OSBPL8: variants seen among roughly 807,000 people sequenced by gnomAD.
OSBPL8 encodes oxysterol binding protein like 8.
OSBPL8 carries 59 observed loss-of-function variants against 125.5 expected under a neutral mutation model. That is an observed-to-expected ratio of 0.47 (90% CI 0.38 to 0.58). The LOEUF is 0.58. Among genes scored for constraint, OSBPL8 ranks in the 20% least tolerant of loss-of-function variants. The probability of loss-of-function intolerance (pLI) is 0.00; values close to 1 mark genes in which losing one functional copy is unlikely to be tolerated. For synonymous variants in OSBPL8, 330 were observed against 338.9 expected, an observed-to-expected ratio of 0.97 and a Z score of 0.29; for missense variants, 758 against 1,047.8, an observed-to-expected ratio of 0.72 and a Z score of 3.82.
At position 76,355,875 on chromosome 12, in the gene OSBPL8, A is replaced by G. The variant is rs550059293; in HGVS notation, c.*14T>C. On this transcript the variant is annotated 3_prime_UTR_variant, in exon 24 of 24. Transcript: ENST00000261183. ...CAGATCTTTCTAGTTCACTGATTCA[A>G]TGGTAGAGAACTTCTACTTGAACAT... 28 of 1,611,510 alleles carry G rather than the reference A, an allele frequency of 1.7e-5. No individual in the cohort carries two copies. The highest frequency in any genetic ancestry group is 2.7e-5 in the African/African-American group (2 of 74,760).
In OSBPL8 at chr12:76,355,821, C is replaced by T; in HGVS notation, c.*68G>A. 6.6e-7 allele frequency: 1 copy of T among 1,519,012 alleles called. No individual in the cohort carries two copies. Among genetic ancestry groups the T allele is most frequent in the Admixed American group, 2.2e-5 (1 of 45,434 alleles). 94.1% of individuals were successfully genotyped at this position (1,519,012 alleles called of 1,614,324 possible). ...ATTGTGATTTTTAATAAAGACCAAA[C>T]CAACTTGAACACTGGTCCCAGGCCA... On this transcript the variant is annotated 3_prime_UTR_variant, in exon 24 of 24. Transcript: ENST00000261183.
chr12:76,460,000 T>C lies in OSBPL8; in HGVS notation c.43-105A>G, dbSNP rs902202829. 9 of 1,055,342 alleles carry C rather than the reference T, an allele frequency of 8.5e-6. No homozygotes were observed. In the African/African-American group the frequency reaches 1.2e-4, roughly 15 times the overall value. 65.4% of individuals were successfully genotyped at this position (1,055,342 alleles called of 1,614,324 possible). A position where few individuals can be genotyped will look rare whatever the true frequency, so the allele number is the denominator to read the frequency against. Reference sequence around the variant, plus strand: ...CAGTGAAACAAAAGGACAAGGAAAATAGCATTAGTTTATAAGTAGAAAGCA... The same window carrying C: ...CAGTGAAACAAAAGGACAAGGAAAACAGCATTAGTTTATAAGTAGAAAGCA... On this transcript the variant is annotated intron_variant, in intron 2 of 23. Coordinates refer to ENST00000261183, the MANE Select transcript of OSBPL8 (RefSeq NM_020841.5).
At chr12:76,423,173 T>C (rs1157272981) in intron 4 of OSBPL8, 2 of 152,302 alleles carry the variant, frequency 1.3e-5, no homozygotes, top group East Asian at 3.8e-4. Flanking sequence ...CTGAAGCTTC[T>C]AGATTTATAT....
intron 9 of OSBPL8, among the ~76,000 whole-genome samples, chr12:76,394,248 G>C (rs1019778542): frequency 5.9e-5 from 9 of 151,886 alleles, no homozygotes; most frequent in African/African-American, 2.2e-4. Flanking sequence ...AAAAAAGGTT[G>C]TACTCGAATC....
intron 21 of OSBPL8, among the ~76,000 whole-genome samples, chr12:76,360,518 C>T (rs1448298076): frequency 3.3e-5 from 5 of 152,142 alleles, no homozygotes; most frequent in South Asian, 2.1e-4. Flanking sequence ...GTCTAGAGGA[C>T]GGTGGCCCGC....
chr12:76,513,509 T>C (rs1414627806), intron 1 of OSBPL8, among the ~76,000 whole-genome samples: 1 of 152,230 alleles, frequency 6.6e-6, no homozygotes, highest in Non-Finnish European at 1.5e-5. Context: ...ACTTGTCTAA[T>C]ACTGTCAGTG....
At chr12:76,397,590 T>G in intron 8 of OSBPL8, 104 bp downstream of exon 8, 1 of 1,141,366 alleles carries the variant, frequency 8.8e-7, no homozygotes, top group South Asian at 1.6e-5. Context: ...CAGAACAGAT[T>G]TATAAGTCCT....
At chr12:76,524,882 T>A (rs1950126713) in intron 1 of OSBPL8, among the ~76,000 whole-genome samples, 1 of 151,882 alleles carries the variant, frequency 6.6e-6, no homozygotes, top group African/African-American at 2.4e-5. Context: ...CGGGGTATCG[T>A]CATGTTGGCC....
At chr12:76,487,090 C>T (rs1241355694) in intron 2 of OSBPL8, among the ~76,000 whole-genome samples, 2 of 137,756 alleles carry the variant, frequency 1.5e-5, no homozygotes, top group Non-Finnish European at 3.0e-5. Flanking sequence ...AGTGCAGAGG[C>T]GCTATCTTGG....
rs761120827 is a variant in OSBPL8, at chr12:76,356,685, T to C, written c.2478A>G (p.Glu826=). ...KPSTRRKKGI[E]LGDIQSSIES... The stretch of plus-strand genomic sequence containing the variant: ...CGATGGAACTCTGAATGTCTCCCAG[T>C]TCTATTCCTTTCTTTCTTCTTGTAC... The change falls in exon 23 of 24, where the codon GAA becomes GAG. Residue 826 remains glutamate (E), a synonymous_variant. Coordinates refer to ENST00000261183, the MANE Select transcript of OSBPL8 (RefSeq NM_020841.5). 5.6e-6 allele frequency: 9 copies of C among 1,610,302 alleles called. No homozygotes were observed. Among genetic ancestry groups the C allele is most frequent in the Non-Finnish European group, 7.6e-6 (9 of 1,178,042 alleles).
chr12:76,366,886 T>C (rs1452127278), intron 21 of OSBPL8, among the ~76,000 whole-genome samples: 12 of 152,140 alleles, frequency 7.9e-5, no homozygotes, highest in African/African-American at 2.9e-4. Context: ...AACCTCCGTC[T>C]CCCAGGTTCA....
intron 1 of OSBPL8, among the ~76,000 whole-genome samples, chr12:76,493,044 T>G (rs900998264): frequency 1.3e-5 from 2 of 152,240 alleles, no homozygotes; most frequent in African/African-American, 4.8e-5. Flanking sequence ...TGGAAACCAC[T>G]GGTACAGTGC....
intron 1 of OSBPL8, chr12:76,538,020 T>G (rs2137397676): frequency 7.6e-6 from 1 of 132,038 alleles, no homozygotes; most frequent in African/African-American, 2.5e-5. Flanking sequence ...TTAAATTAAT[T>G]TAAGTCTCTT....
At chr12:76,483,133 G>A (rs1475608900) in intron 2 of OSBPL8, among the ~76,000 whole-genome samples, 3 of 152,016 alleles carry the variant, frequency 2.0e-5, no homozygotes, top group African/African-American at 4.8e-5. Context: ...GGTGGCGCTC[G>A]CCTGTAGTCC....
chr12:76,443,083 A>G (rs1003778985), intron 4 of OSBPL8, among the ~76,000 whole-genome samples: 2 of 152,228 alleles, frequency 1.3e-5, no homozygotes, highest in Non-Finnish European at 2.9e-5. Flanking sequence ...ATTTGAGCCT[A>G]GCTAAACCAA....
intron 1 of OSBPL8, among the ~76,000 whole-genome samples, chr12:76,536,815 T>C (rs1425621565): frequency 1.2e-5 from 1 of 82,124 alleles, no homozygotes; most frequent in Non-Finnish European, 2.3e-5. Context: ...TATAGGAGTA[T>C]CAAAAAAAAA....
intron 1 of OSBPL8, among the ~76,000 whole-genome samples, chr12:76,516,782 G>A (rs752663463): frequency 2.6e-5 from 4 of 151,136 alleles, no homozygotes; most frequent in Admixed American, 6.6e-5. Flanking sequence ...TGCCATCAAT[G>A]TCAATGTCCC....
At chr12:76,532,798 G>A (rs1204810935) in intron 1 of OSBPL8, among the ~76,000 whole-genome samples, 4 of 151,684 alleles carry the variant, frequency 2.6e-5, no homozygotes, top group South Asian at 2.1e-4. Context: ...GAGTGATCAC[G>A]TGAATGAAAA....
chr12:76,538,420 GACCTGT>G (rs1401951784), intron 1 of OSBPL8, among the ~76,000 whole-genome samples: 2 of 152,184 alleles, frequency 1.3e-5, no homozygotes, highest in Non-Finnish European at 2.9e-5. Flanking sequence ...CACTAGTCAA[GACCTGT>G]CACTAACTTT....
Sources: allele counts gnomAD v4.1 joint callset (sites outside exome capture counted in the v4.1 genomes callset), GRCh38; gene constraint gnomAD v4.1.1; transcripts MANE v1.5; gene names NCBI Gene and HGNC (gene_info 2026-07-23, HGNC 2026-07-21).